Variants in PIK3C2G observed in about 807,000 individuals in gnomAD.
PIK3C2G encodes phosphatidylinositol 3-kinase C2 domain-containing subunit gamma.
A neutral mutation model predicts 181.1 loss-of-function variants in PIK3C2G; 168 were observed. That is an observed-to-expected ratio of 0.93 (90% confidence interval 0.82 to 1.05). The LOEUF (loss-of-function observed/expected upper bound fraction) is 1.05, where lower values mean the gene tolerates loss of function less well. Ranked by LOEUF, PIK3C2G falls within the 50% of genes least tolerant of loss-of-function variation. The probability of loss-of-function intolerance (pLI) is 0.00; values close to 1 mark genes in which losing one functional copy is unlikely to be tolerated. For missense variants in PIK3C2G, 1,869 were observed against 1,732.8 expected (o/e 1.08, Z -1.40); for synonymous variants, 573 against 592.2 (o/e 0.97, Z 0.47).
At chr12:18,553,803 T>A (rs1418195000) in intron 26 of PIK3C2G, among the ~76,000 whole-genome samples, 1 of 152,134 alleles carries the variant, frequency 6.6e-6, no homozygotes, top group Non-Finnish European at 1.5e-5. Context: ...ATACATTCAT[T>A]TTCTCTTGTA....
Position 18,470,551 on chromosome 12 carries a change from T to C in PIK3C2G, c.2505-17898T>C, listed in dbSNP as rs114640344. On this transcript the variant is annotated intron_variant, in intron 18 of 32. Coordinates refer to ENST00000538779, the MANE Select transcript of PIK3C2G (RefSeq NM_001288772.2). ...AAAATGTGAAGATGCTGAAAACTCC[T>C]GTGCTTTAGAACAATTCAATTTTTG... is the stretch of plus-strand genomic sequence containing the variant. Among the ~76,000 whole-genome samples, 1,334 of 152,294 alleles carry C rather than the reference T, an allele frequency of 8.8e-3. 20 individuals carry two copies. The highest frequency in any genetic ancestry group is 0.031 in the African/African-American group (1,269 of 41,570).
chr12:18,571,096 A>G (rs1309759387), intron 29 of PIK3C2G, among the ~76,000 whole-genome samples: 3 of 150,954 alleles, frequency 2.0e-5, no homozygotes, highest in Non-Finnish European at 4.4e-5. Context: ...AATTTGATAT[A>G]CAATACCATA....
At chr12:18,479,715 G>A (rs1294916431) in intron 18 of PIK3C2G, among the ~76,000 whole-genome samples, 1 of 152,100 alleles carries the variant, frequency 6.6e-6, no homozygotes, top group African/African-American at 2.4e-5. Context: ...TGCCAGAGTT[G>A]GTGAAAGTAG....
At chr12:18,540,125 A>T (rs1413894191) in intron 25 of PIK3C2G, among the ~76,000 whole-genome samples, 2 of 151,812 alleles carry the variant, frequency 1.3e-5, no homozygotes, top group Non-Finnish European at 2.9e-5. Context: ...TCATGAATTC[A>T]TGAGCTCTTG....
At chr12:18,370,979 TTCA>T (rs1176497229) in intron 12 of PIK3C2G, among the ~76,000 whole-genome samples, 198 bp from the exon 13 acceptor site, 1 of 152,184 alleles carries the variant, frequency 6.6e-6, no homozygotes, top group Non-Finnish European at 1.5e-5. Flanking sequence ...AGGAATAATT[TTCA>T]TCGATTAACA....
At chr12:18,305,949 G>A (rs529976380) in intron 5 of PIK3C2G, among the ~76,000 whole-genome samples, 18 of 148,716 alleles carry the variant, frequency 1.2e-4, no homozygotes, top group African/African-American at 4.2e-4. Context: ...TTTTTTTACC[G>A]ACTTTCTTAG....
chr12:18,712,902 T>A, the PIK3C2G span: 2 of 1,613,822 alleles, frequency 1.2e-6, no homozygotes, highest in Non-Finnish European at 8.5e-7. Context: ...TGCTTGTGAG[T>A]GTGTAGCCAT....
At chr12:18,641,353 G>C (rs1323288159) in intron 32 of PIK3C2G, among the ~76,000 whole-genome samples, 3 of 152,008 alleles carry the variant, frequency 2.0e-5, no homozygotes, top group African/African-American at 7.2e-5. Context: ...TTATTCAAGG[G>C]GCATCAATAG....
chr12:18,337,638 T>C (rs1938660792), intron 8 of PIK3C2G, among the ~76,000 whole-genome samples: 1 of 152,046 alleles, frequency 6.6e-6, no homozygotes, highest in African/African-American at 2.4e-5. Flanking sequence ...GGAGGCGGGA[T>C]GTGCTGCACA....
At chr12:18,300,932 T>C (rs1950149042) in intron 5 of PIK3C2G, among the ~76,000 whole-genome samples, 1 of 152,174 alleles carries the variant, frequency 6.6e-6, no homozygotes, top group African/African-American at 2.4e-5. Flanking sequence ...GGAACAACTT[T>C]ATATCTCCTT....
At chr12:18,297,196 A>G (rs1949977549) in intron 5 of PIK3C2G, among the ~76,000 whole-genome samples, 1 of 152,070 alleles carries the variant, frequency 6.6e-6, no homozygotes, top group Non-Finnish European at 1.5e-5. Flanking sequence ...ACCTTCACCT[A>G]TACTTGTAAC....
At chr12:18,479,827 T>C (rs1164638727) in intron 18 of PIK3C2G, among the ~76,000 whole-genome samples, 1 of 152,188 alleles carries the variant, frequency 6.6e-6, no homozygotes, top group African/African-American at 2.4e-5. Flanking sequence ...GCTCTTGTCA[T>C]AGGTCGTTGG....
the PIK3C2G span, among the ~76,000 whole-genome samples, chr12:18,668,861 G>A: frequency 1.2e-3 from 181 of 152,086 alleles, 2 homozygotes; most frequent in African/African-American, 3.5e-3. Flanking sequence ...AGCTTACACC[G>A]GACAAAAATT....
At chr12:18,466,969 A>T (rs1937950572) in intron 18 of PIK3C2G, among the ~76,000 whole-genome samples, 1 of 152,056 alleles carries the variant, frequency 6.6e-6, no homozygotes, top group Non-Finnish European at 1.5e-5. Flanking sequence ...TGCATTTCTT[A>T]AAAACAAAAC....
intron 1 of PIK3C2G, among the ~76,000 whole-genome samples, chr12:18,270,941 C>T (rs141379084): frequency 6.6e-6 from 1 of 152,262 alleles, no homozygotes; most frequent in African/African-American, 2.4e-5. Flanking sequence ...GGGACACATT[C>T]TTTCACTTGA....
At chr12:18,682,572 T>G in the PIK3C2G span, among the ~76,000 whole-genome samples, 2 of 151,998 alleles carry the variant, frequency 1.3e-5, no homozygotes, top group African/African-American at 4.8e-5. Context: ...GAAAGTATAT[T>G]TAGTATAGAT....
chr12:18,341,542 T>C (rs1024509563), intron 9 of PIK3C2G, among the ~76,000 whole-genome samples: 1 of 152,184 alleles, frequency 6.6e-6, no homozygotes, highest in African/African-American at 2.4e-5. Flanking sequence ...TTCAATATTC[T>C]GTAAAAACTG....
Position 18,353,625 on chromosome 12 carries a change from C to A in PIK3C2G, c.1625+6789C>A, listed in dbSNP as rs183184403. Among the ~76,000 whole-genome samples, 64 of 152,268 alleles carry A rather than the reference C, an allele frequency of 4.2e-4. 1 individual carries two copies. The highest frequency in any genetic ancestry group is 2.1e-4 in the Non-Finnish European group (14 of 68,016). The stretch of plus-strand genomic sequence containing the variant: ...GCCTCTTTCTTGTGTCCCCCCATCT[C>A]TACTGTAAAAACCGAGTTGGCCACT... On this transcript the variant is annotated intron_variant, in intron 11 of 32. Transcript: ENST00000538779.
upstream of PIK3C2G, among the ~76,000 whole-genome samples, chr12:18,247,214 T>C (rs1018080859): frequency 2.0e-5 from 3 of 152,186 alleles, no homozygotes; most frequent in Non-Finnish European, 2.9e-5. Flanking sequence ...GTTTGGATTA[T>C]GGAATTATAA....
Sources: allele counts gnomAD v4.1 joint callset (sites outside exome capture counted in the v4.1 genomes callset), GRCh38; gene constraint gnomAD v4.1.1; transcripts MANE v1.5; gene names NCBI Gene and HGNC (gene_info 2026-07-23, HGNC 2026-07-21).